Variants in BMAL2 observed in about 807,000 individuals in gnomAD.
The protein encoded by BMAL2 is basic helix-loop-helix ARNT like 2.
At chr12:27,387,419 A>G in the BMAL2 span, 5 of 768,268 alleles carry the variant, frequency 6.5e-6, no homozygotes, top group African/African-American at 1.7e-5. Context: ...CCACTGGGAT[A>G]TGGGATTAGA....
the BMAL2 span, among the ~76,000 whole-genome samples, chr12:27,414,174 A>G: frequency 6.1e-3 from 937 of 152,368 alleles, 4 homozygotes; most frequent in African/African-American, 0.021. Flanking sequence ...TTGAACACCT[A>G]AATGTATAAA....
the BMAL2 span, among the ~76,000 whole-genome samples, chr12:27,354,297 C>G: frequency 1.3e-5 from 2 of 152,118 alleles, no homozygotes; most frequent in South Asian, 4.1e-4. Context: ...GGTTATTATC[C>G]TAGGCAAATT....
At chr12:27,362,095 G>C in the BMAL2 span, among the ~76,000 whole-genome samples, 1 of 152,160 alleles carries the variant, frequency 6.6e-6, no homozygotes, top group Non-Finnish European at 1.5e-5. Context: ...CTTGCAGAGT[G>C]TGTGTTGGAA....
chr12:27,361,337 G>A, the BMAL2 span, among the ~76,000 whole-genome samples: 2 of 152,212 alleles, frequency 1.3e-5, no homozygotes, highest in Admixed American at 1.3e-4. Flanking sequence ...TCACCAGGGA[G>A]ACAGACAGAG....
the BMAL2 span, among the ~76,000 whole-genome samples, chr12:27,412,979 A>G: frequency 8.6e-5 from 13 of 151,992 alleles, no homozygotes; most frequent in East Asian, 2.5e-3. Context: ...GAATAGGATG[A>G]TATATTCAAA....
the BMAL2 span, among the ~76,000 whole-genome samples, chr12:27,405,481 C>G: frequency 6.6e-6 from 1 of 152,216 alleles, no homozygotes; most frequent in Admixed American, 6.5e-5. Flanking sequence ...GATACCCAGG[C>G]AAACAAGGTC....
chr12:27,388,414 C>G, the BMAL2 span, among the ~76,000 whole-genome samples: 1 of 152,054 alleles, frequency 6.6e-6, no homozygotes, highest in East Asian at 1.9e-4. Flanking sequence ...GTCCGTTAGT[C>G]CTGTTGTCTA....
chr12:27,353,144 C>T, the BMAL2 span, among the ~76,000 whole-genome samples: 1 of 152,084 alleles, frequency 6.6e-6, no homozygotes, highest in Non-Finnish European at 1.5e-5. Flanking sequence ...GCAAAAAGAA[C>T]AAAGCCAGAA....
the BMAL2 span, among the ~76,000 whole-genome samples, chr12:27,354,448 T>C: frequency 6.6e-6 from 1 of 151,992 alleles, no homozygotes; most frequent in Non-Finnish European, 1.5e-5. Context: ...GGGTGAGGGT[T>C]AAAAAATTAC....
At chr12:27,361,255 G>A in the BMAL2 span, among the ~76,000 whole-genome samples, 38 of 152,198 alleles carry the variant, frequency 2.5e-4, no homozygotes, top group Non-Finnish European at 2.4e-4. Context: ...CTCATTTCCC[G>A]TAATTTATTT....
the BMAL2 span, among the ~76,000 whole-genome samples, chr12:27,360,061 A>AT: frequency 3.3e-4 from 49 of 150,316 alleles, no homozygotes; most frequent in East Asian, 5.8e-4. Flanking sequence ...TAAAAAAAAA[A>AT]AAAAAAAAAA....
the BMAL2 span, among the ~76,000 whole-genome samples, chr12:27,394,921 C>A: frequency 4.6e-5 from 7 of 152,222 alleles, no homozygotes; most frequent in Admixed American, 4.6e-4. Flanking sequence ...TGTATATCTG[C>A]AAGCCAGAAA....
the BMAL2 span, among the ~76,000 whole-genome samples, chr12:27,339,335 C>T: frequency 1.3e-5 from 2 of 152,104 alleles, no homozygotes; most frequent in African/African-American, 2.4e-5. Context: ...GTATATTTAC[C>T]ACATTTTCTT....
At chr12:27,404,187 A>G in the BMAL2 span, among the ~76,000 whole-genome samples, 2 of 141,586 alleles carry the variant, frequency 1.4e-5, no homozygotes, top group Non-Finnish European at 3.0e-5. Context: ...CCTGTCTCAA[A>G]AAAAAAAAAA....
chr12:27,409,919 T>C, the BMAL2 span, among the ~76,000 whole-genome samples: 73 of 151,818 alleles, frequency 4.8e-4, no homozygotes, highest in Non-Finnish European at 4.4e-5. Context: ...ACAACCCCAT[T>C]AAAAAGTGGG....
chr12:27,365,681 T>TA, the BMAL2 span, among the ~76,000 whole-genome samples: 1 of 151,732 alleles, frequency 6.6e-6, no homozygotes, highest in Non-Finnish European at 1.5e-5. Context: ...GGTATTTTAT[T>TA]ATCTTTTAAA....
the BMAL2 span, among the ~76,000 whole-genome samples, chr12:27,387,672 G>T: frequency 6.6e-6 from 1 of 152,160 alleles, no homozygotes; most frequent in Non-Finnish European, 1.5e-5. Context: ...CCCTCCAAGA[G>T]ACACTTTATG....
chr12:27,366,507 T>C, the BMAL2 span, among the ~76,000 whole-genome samples: 67 of 152,228 alleles, frequency 4.4e-4, 1 homozygote, highest in African/African-American at 1.5e-3. Context: ...AAACTTTTTA[T>C]ATGCATTTTA....
the BMAL2 span, among the ~76,000 whole-genome samples, chr12:27,364,146 C>T: frequency 5.9e-5 from 9 of 152,168 alleles, no homozygotes; most frequent in South Asian, 4.2e-4. Flanking sequence ...AGCCCTTTTA[C>T]GGTGGCACTA....
Sources: gnomAD v4.1 joint callset for allele counts (sites outside exome capture counted in the v4.1 genomes callset) on GRCh38, gnomAD v4.1.1 for gene constraint, MANE v1.5 for transcripts, NCBI Gene and HGNC (gene_info 2026-07-23, HGNC 2026-07-21) for gene names.